Variants in HSF2 observed in about 807,000 individuals in gnomAD.
The protein encoded by HSF2 is heat shock transcription factor 2, also known as heat shock factor protein 2.
HSF2 carries 21 observed loss-of-function variants against 65.0 expected under a neutral mutation model. That is an observed-to-expected ratio of 0.32 (90% CI 0.23 to 0.47). The LOEUF is 0.47. Among genes scored for constraint, HSF2 ranks in the 20% least tolerant of loss-of-function variants. The pLI is 1.00. For missense variants in HSF2, 499 were observed against 628.1 expected, an observed-to-expected ratio of 0.79 and a Z score of 2.20; for synonymous variants, 225 against 219.1, an observed-to-expected ratio of 1.03 and a Z score of -0.24.
chr6:122,414,636 G>A (rs1774081255), intron 4 of HSF2, among the ~76,000 whole-genome samples: 1 of 151,916 alleles, frequency 6.6e-6, no homozygotes, highest in South Asian at 2.1e-4. Flanking sequence ...TTGTTTGTTT[G>A]TTTTTGTTTT....
At chr6:122,413,012 C>G (rs1302040275) in intron 3 of HSF2, among the ~76,000 whole-genome samples, 1 of 151,708 alleles carries the variant, frequency 6.6e-6, no homozygotes, top group Non-Finnish European at 1.5e-5. Flanking sequence ...AATTGTACAT[C>G]CAGTACCTAC....
intron 3 of HSF2, 49 bp downstream of exon 3, chr6:122,412,813 C>G (rs750934465): frequency 1.3e-6 from 2 of 1,556,438 alleles, no homozygotes; most frequent in South Asian, 1.2e-5. Flanking sequence ...CTGGAGTGTG[C>G]TTGGCCAAGA....
intron 3 of HSF2, among the ~76,000 whole-genome samples, chr6:122,413,229 G>C (rs1420763909): frequency 1.3e-5 from 2 of 151,940 alleles, no homozygotes; most frequent in South Asian, 4.1e-4. Flanking sequence ...GTAATAAAGA[G>C]GCTTGGGGGA....
At chr6:122,414,978 GTAGT>G (rs1216154140) in intron 4 of HSF2, among the ~76,000 whole-genome samples, 5 of 152,272 alleles carry the variant, frequency 3.3e-5, no homozygotes, top group South Asian at 4.1e-4. Flanking sequence ...GAAAAATACA[GTAGT>G]TATTCAGTAA....
At chr6:122,423,037 C>A in intron 9 of HSF2, 80 bp downstream of exon 9, 2 of 1,505,464 alleles carry the variant, frequency 1.3e-6, no homozygotes, top group South Asian at 1.2e-5. Context: ...TTTGAGTAAT[C>A]TTCCTTTCAG....
intron 10 of HSF2, among the ~76,000 whole-genome samples, chr6:122,425,442 C>T (rs932796947): frequency 1.3e-5 from 2 of 151,992 alleles, no homozygotes; most frequent in African/African-American, 4.8e-5. Flanking sequence ...ATGTTATTTA[C>T]TAGCTATGTT....
chr6:122,414,321 G>A (rs1044017318), intron 4 of HSF2, among the ~76,000 whole-genome samples: 10 of 152,136 alleles, frequency 6.6e-5, no homozygotes, highest in Admixed American at 2.0e-4. Context: ...ATCCTAATAG[G>A]TGCCAAGGGC....
In HSF2 at chr6:122,399,703, G is replaced by C. The variant is rs978737789; in HGVS notation, c.-35G>C. On this transcript the variant is annotated 5_prime_UTR_variant, in exon 1 of 13. Coordinates refer to ENST00000368455, the MANE Select transcript of HSF2 (RefSeq NM_004506.4). ...GCCGCCGCCGCTACCACCGCGTTCG[G>C]GTGTAGAATTTGGAATCCCTGCGCC... is the stretch of plus-strand genomic sequence containing the variant. The C allele has an allele frequency of 1.9e-6, 3 of 1,552,668 alleles. No homozygotes were observed. Among genetic ancestry groups the C allele is most frequent in the African/African-American group, 2.8e-5 (2 of 72,484 alleles).
intron 7 of HSF2, among the ~76,000 whole-genome samples, chr6:122,420,696 A>ATTTTTTT (rs1353831309): frequency 4.9e-5 from 1 of 20,380 alleles, no homozygotes. Context: ...TAGTTTATTC[A>ATTTTTTT]TTTCTTTTTT....
chr6:122,401,502 C>T (rs1472627408), intron 1 of HSF2, among the ~76,000 whole-genome samples: 2 of 152,162 alleles, frequency 1.3e-5, no homozygotes, highest in African/African-American at 4.8e-5. Flanking sequence ...TTCTGATTAG[C>T]AACAGTGTTT....
At chr6:122,431,561 ATG>A in intron 12 of HSF2, 47 bp downstream of exon 12, 2 of 1,088,808 alleles carry the variant, frequency 1.8e-6, no homozygotes, top group Middle Eastern at 2.3e-4. Flanking sequence ...TTTTAATCCT[ATG>A]CAGAAACAAG....
intron 11 of HSF2, 77 bp downstream of exon 11, chr6:122,428,033 G>T: frequency 1.2e-6 from 1 of 825,226 alleles, no homozygotes. Flanking sequence ...AGAGAGCAAT[G>T]TCACTCCCAG....
chr6:122,402,561 C>T (rs1049395991), intron 1 of HSF2, among the ~76,000 whole-genome samples: 1 of 150,858 alleles, frequency 6.6e-6, no homozygotes, highest in African/African-American at 2.4e-5. Flanking sequence ...ATATCATATT[C>T]GTTTTTTTTT....
intron 1 of HSF2, among the ~76,000 whole-genome samples, chr6:122,408,354 T>C: frequency 6.6e-6 from 1 of 152,054 alleles, no homozygotes; most frequent in Non-Finnish European, 1.5e-5. Context: ...AAAAAGCCTT[T>C]TGGATTTTTG....
chr6:122,422,653 A>T, intron 8 of HSF2, 65 bp from the exon 9 acceptor site: 1 of 1,529,566 alleles, frequency 6.5e-7, no homozygotes, highest in Non-Finnish European at 9.0e-7. Context: ...ATTTAGAATG[A>T]ATGGATAGTA....
intron 3 of HSF2, 110 bp downstream of exon 3, chr6:122,412,874 G>A: frequency 7.6e-6 from 7 of 921,872 alleles, no homozygotes; most frequent in Non-Finnish European, 1.1e-5. Flanking sequence ...TTCCTTGTTG[G>A]GATGAATTAG....
intron 1 of HSF2, among the ~76,000 whole-genome samples, chr6:122,402,155 C>T (rs1773752452): frequency 6.6e-6 from 1 of 152,152 alleles, no homozygotes; most frequent in Admixed American, 6.5e-5. Flanking sequence ...ATTGGACACC[C>T]CTACCCTAAT....
At chr6:122,417,025 T>G (rs1186171836) in intron 5 of HSF2, among the ~76,000 whole-genome samples, 1 of 152,218 alleles carries the variant, frequency 6.6e-6, no homozygotes, top group Non-Finnish European at 1.5e-5. Flanking sequence ...TTGCTCCTGC[T>G]TAGAAGGCCC....
In HSF2 at chr6:122,415,779, C is replaced by T. The variant is rs146340508; in HGVS notation, c.456-442C>T. Among the ~76,000 whole-genome samples, 454 of 151,850 alleles carry T rather than the reference C, an allele frequency of 3.0e-3. 2 individuals are homozygous for T. The highest frequency in any genetic ancestry group is 0.011 in the African/African-American group (439 of 41,384). ...CTGTAATCGCAGCACTTTGGGAGGCCGAGGTGGGTGGATCACCTGAGGTCA... is the reference window on the plus strand; with the variant it reads ...CTGTAATCGCAGCACTTTGGGAGGCTGAGGTGGGTGGATCACCTGAGGTCA... On this transcript the variant is annotated intron_variant, in intron 4 of 12. Transcript: ENST00000368455.
Sources: allele counts gnomAD v4.1 joint callset (sites outside exome capture counted in the v4.1 genomes callset), GRCh38; gene constraint gnomAD v4.1.1; transcripts MANE v1.5; gene names NCBI Gene and HGNC (gene_info 2026-07-23, HGNC 2026-07-21).